TMEM132D: variants seen among roughly 807,000 people sequenced by gnomAD.
The protein encoded by TMEM132D is transmembrane protein 132D, also known as mature OL transmembrane protein.
A neutral mutation model predicts 62.3 loss-of-function variants in TMEM132D; 21 were observed. That is an observed-to-expected ratio of 0.34 (90% CI 0.24 to 0.49). The LOEUF (loss-of-function observed/expected upper bound fraction) is 0.49. Among genes scored for constraint, TMEM132D ranks in the 20% least tolerant of loss-of-function variants. The pLI is 0.99. For missense variants in TMEM132D, 1,346 were observed against 1,402.8 expected (o/e 0.96, Z 0.65); for synonymous variants, 621 against 575.6 (o/e 1.08, Z -1.13).
rs1471245190 is a variant in TMEM132D at position 129,371,706 on chromosome 12, G to A, written c.1116-33889C>T. On this transcript the variant is annotated intron_variant, in intron 3 of 8. Transcript: ENST00000422113. This position sits in a 1 kb window ranked among gnomAD's most constrained non-coding sequence, Gnocchi z 4.3. ...TGGTGACAATGATGATGTGATGATA[G>A]TGATGGTGATGATGATGGGGTGTTT... Among the ~76,000 whole-genome samples, 1 of 152,038 alleles carries A rather than the reference G, an allele frequency of 6.6e-6. No homozygotes were observed. The highest frequency in any genetic ancestry group is 2.4e-5 in the African/African-American group (1 of 41,394).
rs904190585 is a variant in TMEM132D at position 129,244,201 on chromosome 12, C to T, written c.1300-34538G>A. 6.7e-5 allele frequency among the ~76,000 whole-genome samples: 10 copies of T among 149,166 alleles called. No homozygotes were observed. In the East Asian group the frequency reaches 1.4e-3, roughly 21 times the overall value. On this transcript the variant is annotated intron_variant, in intron 4 of 8. Transcript: ENST00000422113. Reference sequence around the variant, plus strand: ...GAGATCGAGACCATCCTGGCTAACGCGGTGAAACCCCGTCTCTACTAAAAA... The same window carrying T: ...GAGATCGAGACCATCCTGGCTAACGTGGTGAAACCCCGTCTCTACTAAAAA...
At chr12:129,772,375 A>G (rs1870782681) in intron 1 of TMEM132D, among the ~76,000 whole-genome samples, 1 of 152,234 alleles carries the variant, frequency 6.6e-6, no homozygotes, top group African/African-American at 2.4e-5. Flanking sequence ...CTTCATATAT[A>G]GTAAGAAATT....
At chr12:129,850,636 A>G (rs1056079571) in intron 1 of TMEM132D, among the ~76,000 whole-genome samples, 1 of 152,202 alleles carries the variant, frequency 6.6e-6, no homozygotes, top group African/African-American at 2.4e-5. Context: ...TGTCTTCTAT[A>G]GGAATCAGGA....
intron 2 of TMEM132D, among the ~76,000 whole-genome samples, chr12:129,683,628 T>C (rs1299330530): frequency 2.0e-5 from 3 of 152,172 alleles, no homozygotes; most frequent in Non-Finnish European, 4.4e-5. Context: ...AGTGTCTACA[T>C]GGACAGATGA....
intron 5 of TMEM132D, among the ~76,000 whole-genome samples, chr12:129,189,290 G>A (rs2135555176): frequency 6.6e-6 from 1 of 152,246 alleles, no homozygotes; most frequent in East Asian, 1.9e-4. Context: ...TGGGATCCCA[G>A]GCCATTATAG....
intron 1 of TMEM132D, among the ~76,000 whole-genome samples, chr12:129,705,871 T>G: frequency 6.6e-6 from 1 of 152,084 alleles, no homozygotes; most frequent in East Asian, 1.9e-4. Flanking sequence ...GCCAATAGAC[T>G]TAGGGAACAA....
chr12:129,764,027 C>A (rs1277031145), intron 1 of TMEM132D, among the ~76,000 whole-genome samples: 1 of 152,180 alleles, frequency 6.6e-6, no homozygotes, highest in Admixed American at 6.6e-5. Context: ...GCCTAGAGAA[C>A]CTGCCCCCAT....
chr12:129,108,233 C>T (rs1442820412), intron 5 of TMEM132D, among the ~76,000 whole-genome samples: 1 of 152,176 alleles, frequency 6.6e-6, no homozygotes, highest in East Asian at 1.9e-4. Context: ...GACCTTCCAC[C>T]CATCTTAGTC....
intron 3 of TMEM132D, among the ~76,000 whole-genome samples, chr12:129,450,903 C>G (rs1873262021): frequency 2.4e-4 from 1 of 4,240 alleles, no homozygotes; most frequent in Non-Finnish European, 2.4e-3. Flanking sequence ...TTACAGGTGC[C>G]TGCCACCACA....
intron 3 of TMEM132D, among the ~76,000 whole-genome samples, chr12:129,466,133 A>T (rs1027639491): frequency 7.0e-6 from 1 of 143,016 alleles, no homozygotes; most frequent in African/African-American, 2.5e-5. Flanking sequence ...TTTATTATTG[A>T]TAATGCTTTT....
chr12:129,204,725 T>A (rs1314385032), intron 5 of TMEM132D, among the ~76,000 whole-genome samples: 1 of 152,108 alleles, frequency 6.6e-6, no homozygotes, highest in East Asian at 1.9e-4. Flanking sequence ...GACACAATCA[T>A]CAGATTCTCC....
intron 3 of TMEM132D, among the ~76,000 whole-genome samples, chr12:129,504,211 C>T (rs954522997): frequency 2.0e-5 from 3 of 152,094 alleles, no homozygotes; most frequent in Non-Finnish European, 4.4e-5. Flanking sequence ...CTCTTATGTC[C>T]TTCGAGAATT....
chr12:129,626,572 C>T (rs1176787584), intron 2 of TMEM132D, among the ~76,000 whole-genome samples: 1 of 152,080 alleles, frequency 6.6e-6, no homozygotes, highest in Non-Finnish European at 1.5e-5. Context: ...ATTCTCCTAC[C>T]TCAGACTCCC....
chr12:129,238,167 AG>A (rs1442834769), intron 4 of TMEM132D, among the ~76,000 whole-genome samples: 1 of 152,164 alleles, frequency 6.6e-6, no homozygotes, highest in African/African-American at 2.4e-5. Context: ...TGGGCACTAC[AG>A]GTGGATGGGT....
At chr12:129,877,046 T>A (rs1874435595) in intron 1 of TMEM132D, among the ~76,000 whole-genome samples, 1 of 152,032 alleles carries the variant, frequency 6.6e-6, no homozygotes, top group Non-Finnish European at 1.5e-5. Flanking sequence ...GCAACTTCTA[T>A]CCGTGAAGAA....
At chr12:129,393,108 A>G (rs1249108936) in intron 3 of TMEM132D, among the ~76,000 whole-genome samples, 1 of 152,250 alleles carries the variant, frequency 6.6e-6, no homozygotes, top group African/African-American at 2.4e-5. Context: ...GCATGTAATT[A>G]ACATTTCCAA....
At chr12:129,708,861 A>T (rs1243789316) in intron 1 of TMEM132D, among the ~76,000 whole-genome samples, 1 of 152,140 alleles carries the variant, frequency 6.6e-6, no homozygotes, top group Non-Finnish European at 1.5e-5. Flanking sequence ...TTTACAGTTG[A>T]GGAGACAGTA....
At position 129,513,938 on chromosome 12, in the gene TMEM132D, T is replaced by C. The variant is rs536802621; in HGVS notation, c.1115+17121A>G. ...CTGCAAGCTCCGCCTCCCGGGTTTG[T>C]GCCATTCTCCTGCCTCAGCCTCCCG... On this transcript the variant is annotated intron_variant, in intron 3 of 8. Coordinates refer to ENST00000422113, the MANE Select transcript of TMEM132D (RefSeq NM_133448.3). 5.0e-4 allele frequency among the ~76,000 whole-genome samples: 75 copies of C among 149,598 alleles called. No individual in the cohort carries two copies. In the South Asian group the frequency reaches 6.0e-3, roughly 12 times the overall value.
intron 1 of TMEM132D, among the ~76,000 whole-genome samples, chr12:129,816,279 A>G (rs1872342629): frequency 6.6e-6 from 1 of 152,196 alleles, no homozygotes; most frequent in South Asian, 2.1e-4. Context: ...AAAAACTTCA[A>G]CATCTTCTGA....
Sources: gnomAD v4.1 joint callset for allele counts (sites outside exome capture counted in the v4.1 genomes callset) on GRCh38, gnomAD v4.1.1 for gene constraint, Gnocchi (gnomAD v3.1) non-coding constraint, MANE v1.5 for transcripts, NCBI Gene and HGNC (gene_info 2026-07-23, HGNC 2026-07-21) for gene names.